CORO7: variants seen among roughly 807,000 people sequenced by gnomAD.
CORO7 encodes the protein coronin 7.
Under a neutral mutation model 126.6 loss-of-function variants are expected in CORO7, and 107 were observed. That is an observed-to-expected ratio of 0.85 (90% CI 0.72 to 0.99). CORO7 has a LOEUF of 0.99. Ranked by LOEUF, CORO7 falls within the 50% of genes least tolerant of loss-of-function variation. The pLI is 0.00. For missense variants in CORO7, 1,314 were observed against 1,255.8 expected (o/e 1.05, Z -0.70); for synonymous variants, 603 against 536.8 (o/e 1.12, Z -1.70).
At chr16:4,402,897 T>C (rs1012179875) in intron 6 of CORO7, among the ~76,000 whole-genome samples, 3 of 151,600 alleles carry the variant, frequency 2.0e-5, no homozygotes, top group Non-Finnish European at 4.4e-5. Context: ...CTTCACCCAG[T>C]GGGAGTAGCT....
At chr16:4,363,143 A>C (rs1179669033) in intron 14 of CORO7, 1 of 157,908 alleles carries the variant, frequency 6.3e-6, no homozygotes, top group Non-Finnish European at 1.4e-5. Context: ...TTGACAAAGA[A>C]GGTTGGGGCC....
intron 6 of CORO7, among the ~76,000 whole-genome samples, chr16:4,403,151 C>T (rs868433537): frequency 1.3e-5 from 2 of 152,078 alleles, no homozygotes; most frequent in African/African-American, 2.4e-5. Flanking sequence ...GAGGGGCTCA[C>T]GCTCGCTCCT....
chr16:4,360,794 C>G (rs1446693004), intron 19 of CORO7, 149 bp downstream of exon 19: 13 of 1,473,766 alleles, frequency 8.8e-6, no homozygotes, highest in African/African-American at 1.4e-5. Context: ...ACTGGCCCCC[C>G]TCTCCTCACT....
In CORO7 at chr16:4,360,543, G is replaced by T; in HGVS notation, c.1923C>A (p.Phe641Leu). The T allele has an allele frequency of 1.2e-6, 2 of 1,601,970 alleles. No individual in the cohort carries two copies. Among genetic ancestry groups the T allele is most frequent in the East Asian group, 4.5e-5 (2 of 44,260 alleles). ...LKLQGHQDQI[F>L]SLAWSPDGQQ... ...GCCCATCAGGACTCCAGGCCAGGCT[G>T]AAGATCTGGGGGCAGGAAGGGATAT... Residue 641 changes from phenylalanine to leucine, a missense_variant, in exon 20 of 28, where the codon TTC (phenylalanine) becomes TTA (leucine). Physicochemically the swap from Phe to Leu is conservative, Grantham distance 22. Transcript: ENST00000251166.
chr16:4,360,559 GA>G lies in CORO7; in HGVS notation c.1918-12del. Reference sequence around the variant, plus strand: ...GGCCAGGCTGAAGATCTGGGGGCAGGAAGGGATATGAGAGACAGCCTTGCTT... The same window carrying G: ...GGCCAGGCTGAAGATCTGGGGGCAGGAGGGATATGAGAGACAGCCTTGCTT... On this transcript the variant is annotated splice_polypyrimidine_tract_variant and intron_variant, in intron 19 of 27. Transcript: ENST00000251166. 6.3e-7 allele frequency: 1 copy of G among 1,584,882 alleles called. No individual in the cohort carries two copies. Among genetic ancestry groups the G allele is most frequent in the East Asian group, 2.3e-5 (1 of 43,096 alleles).
At position 4,388,546 on chromosome 16, in the gene CORO7, T is replaced by C; in HGVS notation, c.701A>G (p.Gln234Arg). Residue 234 changes from glutamine (Q) to arginine (R), a missense_variant and splice_region_variant, in exon 8 of 28, where the codon CAG becomes CGG. By Grantham distance (43) the Gln-to-Arg change is conservative. Coordinates refer to ENST00000251166, the MANE Select transcript of CORO7 (RefSeq NM_024535.5). ...GCTCCTCCAGGAGGAACCCCCTACC[T>C]GGTTGAATCCAGTAGACACAAGGTG... is the stretch of plus-strand genomic sequence containing the variant. The part of the protein sequence containing the change: ...WEHLVSTGFN[Q>R]MREREVKLWD... 1 of 1,612,046 alleles carries C rather than the reference T, an allele frequency of 6.2e-7. No homozygotes were observed. Among genetic ancestry groups the C allele is most frequent in the Non-Finnish European group, 8.5e-7 (1 of 1,179,568 alleles).
At chr16:4,375,122 G>A (rs918938498) in intron 9 of CORO7, among the ~76,000 whole-genome samples, 1 of 152,216 alleles carries the variant, frequency 6.6e-6, no homozygotes, top group Non-Finnish European at 1.5e-5. Context: ...ACGATGGCAC[G>A]TCCCACCGCC....
chr16:4,359,552 G>T lies in CORO7; in HGVS notation c.2178C>A (p.Gly726=). The change falls in exon 22 of 28, where the codon GGC becomes GGA. Residue 726 remains glycine, a synonymous_variant. Coordinates refer to ENST00000251166, the MANE Select transcript of CORO7 (RefSeq NM_024535.5). ...ALAGGPLAVL[G]LDVAPSTLLP... ...GCAGGGTTGAGGGAGCCACGTCCAG[G>T]CCCAACACTGCCAAGGGTCCGCCGG... 6.2e-7 allele frequency: 1 copy of T among 1,613,096 alleles called. No homozygotes were observed. Among genetic ancestry groups the T allele is most frequent in the Admixed American group, 1.7e-5 (1 of 59,976 alleles).
At chr16:4,380,827 C>G in intron 9 of CORO7, 1 of 1,432,272 alleles carries the variant, frequency 7.0e-7, no homozygotes, top group Non-Finnish European at 9.1e-7. Flanking sequence ...TTCTAGGCCC[C>G]TGACTCACAG....
intron 24 of CORO7, 106 bp from the exon 25 acceptor site, chr16:4,358,209 C>A: frequency 1.3e-6 from 2 of 1,542,286 alleles, no homozygotes; most frequent in Admixed American, 1.9e-5. Flanking sequence ...TCCCACCAGC[C>A]TGGGGCTTCC....
intron 13 of CORO7, 38 bp from the exon 14 acceptor site, chr16:4,364,451 G>A: frequency 6.7e-7 from 1 of 1,484,626 alleles, no homozygotes; most frequent in Non-Finnish European, 8.9e-7. Flanking sequence ...GGGGGCATGG[G>A]CTGCCCGGTC....
intron 9 of CORO7, among the ~76,000 whole-genome samples, chr16:4,384,207 G>C (rs1264105752): frequency 6.6e-6 from 1 of 152,272 alleles, no homozygotes; most frequent in East Asian, 1.9e-4. Flanking sequence ...TTGGCTTGCA[G>C]ACGGTGCCAG....
chr16:4,369,403 C>T (rs375261137), intron 9 of CORO7, among the ~76,000 whole-genome samples: 1 of 152,218 alleles, frequency 6.6e-6, no homozygotes, highest in Non-Finnish European at 1.5e-5. Flanking sequence ...GAGGTATTGC[C>T]GGCACCTCTC....
intron 6 of CORO7, among the ~76,000 whole-genome samples, chr16:4,401,133 G>A (rs1055670949): frequency 2.6e-5 from 4 of 152,182 alleles, no homozygotes; most frequent in East Asian, 3.8e-4. Context: ...AGGTTGTCAC[G>A]GGAAACCGCG....
At chr16:4,379,153 G>A (rs1015218115) in intron 9 of CORO7, among the ~76,000 whole-genome samples, 9 of 152,096 alleles carry the variant, frequency 5.9e-5, no homozygotes, top group Admixed American at 2.6e-4. Flanking sequence ...AGGCTGGGTC[G>A]GGGTCGTGTT....
chr16:4,362,475 C>G lies in CORO7; in HGVS notation c.1402+137G>C. On this transcript the variant is annotated intron_variant, in intron 15 of 27. Transcript: ENST00000251166. This position sits in a 1 kb window ranked among gnomAD's most constrained non-coding sequence, Gnocchi z 5.3. ...ACACCCCAGCCCCCAGGACAAATGA[C>G]CCTGCCAGTGAGTCTGGGTGAGGGG... is the stretch of plus-strand genomic sequence containing the variant. The G allele has an allele frequency of 7.0e-7, 1 of 1,420,736 alleles. No homozygotes were observed. The highest frequency in any genetic ancestry group is 9.2e-7 in the Non-Finnish European group (1 of 1,083,318). 88.0% of individuals were successfully genotyped at this position (1,420,736 alleles called of 1,614,324 possible). A position where few individuals can be genotyped will look rare whatever the true frequency, so the allele number is the denominator to read the frequency against.
chr16:4,360,569 G>A (rs2054133264), intron 19 of CORO7, 21 bp from the exon 20 acceptor site: 5 of 1,576,728 alleles, frequency 3.2e-6, no homozygotes, highest in Non-Finnish European at 3.4e-6. Flanking sequence ...GAAGGGATAT[G>A]AGAGACAGCC....
intron 13 of CORO7, 91 bp downstream of exon 13, chr16:4,364,506 A>G: frequency 6.7e-7 from 1 of 1,490,508 alleles, no homozygotes; most frequent in East Asian, 2.5e-5. Flanking sequence ...GATGGGGGGC[A>G]CCCAGCAGGC....
chr16:4,372,634 C>T (rs1340382393), intron 9 of CORO7, among the ~76,000 whole-genome samples: 4 of 152,232 alleles, frequency 2.6e-5, no homozygotes, highest in African/African-American at 9.6e-5. Context: ...GCTGCAAACC[C>T]AGTGGCCTGG....
Sources: gnomAD v4.1 joint callset for allele counts (sites outside exome capture counted in the v4.1 genomes callset) on GRCh38, gnomAD v4.1.1 for gene constraint, Gnocchi (gnomAD v3.1) non-coding constraint, MANE v1.5 for transcripts, NCBI Gene and HGNC (gene_info 2026-07-23, HGNC 2026-07-21) for gene names.